STK17B: variants seen among roughly 807,000 people sequenced by gnomAD.
The protein encoded by STK17B is serine/threonine kinase 17b.
STK17B carries 21 observed loss-of-function variants against 42.0 expected under a neutral mutation model. The ratio of observed to expected loss-of-function variants is 0.50; its 90% CI spans 0.35 to 0.72. The LOEUF (loss-of-function observed/expected upper bound fraction) is 0.72, where lower values mean the gene tolerates loss of function less well. STK17B is among the 30% of genes least tolerant of loss of function. The pLI, the probability that STK17B is intolerant of heterozygous loss-of-function variation, is 0.00. For missense variants in STK17B, 349 were observed against 446.0 expected, an observed-to-expected ratio of 0.78 and a Z score of 1.96; for synonymous variants, 143 against 148.4, an observed-to-expected ratio of 0.96 and a Z score of 0.26.
intron 3 of STK17B, among the ~76,000 whole-genome samples, chr2:196,148,153 G>A (rs530814454): frequency 1.3e-5 from 2 of 152,118 alleles, no homozygotes; most frequent in Admixed American, 1.3e-4. Context: ...GACAATTTTG[G>A]GAATTCACAT....
chr2:196,149,137 C>T (rs16845758), intron 3 of STK17B, among the ~76,000 whole-genome samples: 7,035 of 151,346 alleles, frequency 0.046, 383 homozygotes, highest in African/African-American at 0.13. Context: ...GTCTGACACA[C>T]GGTAAATATT....
intron 5 of STK17B, 109 bp downstream of exon 5, chr2:196,143,451 C>A: frequency 9.1e-7 from 1 of 1,100,494 alleles, no homozygotes; most frequent in Admixed American, 2.9e-5. Flanking sequence ...TTGAACCAAT[C>A]AAATCCTTTT....
In STK17B at chr2:196,136,190, A is replaced by G. The variant is rs1381577633; in HGVS notation, c.*1257T>C. On this transcript the variant is annotated 3_prime_UTR_variant, in exon 8 of 8. Transcript: ENST00000263955. The stretch of plus-strand genomic sequence containing the variant: ...TATCGTAACATGATAACAGACCAAT[A>G]TAACGGTCATCAGGTGAAAATTCAT... 2 of 152,242 alleles carry G rather than the reference A, an allele frequency of 1.3e-5. No individual in the cohort carries two copies. The highest frequency in any genetic ancestry group is 2.9e-5 in the Non-Finnish European group (2 of 68,044). 9.4% of individuals were successfully genotyped at this position (152,242 alleles called of 1,614,324 possible). A position where few individuals can be genotyped will look rare whatever the true frequency, so the allele number is the denominator to read the frequency against.
At chr2:196,137,797 A>G in intron 7 of STK17B, 68 bp from the exon 8 acceptor site, 1 of 1,511,060 alleles carries the variant, frequency 6.6e-7, no homozygotes, top group Non-Finnish European at 8.9e-7. Flanking sequence ...TCAGTTTGAT[A>G]GATTATAGAC....
chr2:196,140,577 CTTTTTTTTTTTT>C (rs58205758), intron 6 of STK17B, among the ~76,000 whole-genome samples: 3 of 101,478 alleles, frequency 3.0e-5, no homozygotes, highest in Non-Finnish European at 3.9e-5. Context: ...CTTCTTCTAG[CTTTTTTTTTTTT>C]TTTTTTTTTT....
upstream of STK17B, among the ~76,000 whole-genome samples, chr2:196,175,194 A>C (rs1519604): frequency 0.044 from 6,079 of 139,438 alleles, 160 homozygotes; most frequent in East Asian, 0.066. Context: ...TATTGTCTTA[A>C]ATCTAGTATT....
intron 4 of STK17B, among the ~76,000 whole-genome samples, chr2:196,143,923 T>A (rs1430338994): frequency 6.6e-6 from 1 of 152,152 alleles, no homozygotes; most frequent in African/African-American, 2.4e-5. Flanking sequence ...ATGGAAAGAT[T>A]AAGATATAGA....
intron 4 of STK17B, among the ~76,000 whole-genome samples, chr2:196,144,020 T>G: frequency 1.2e-5 from 1 of 85,724 alleles, no homozygotes; most frequent in Non-Finnish European, 2.5e-5. Flanking sequence ...AAGCTGAGAC[T>G]TAAAAGAGTA....
chr2:196,140,155 T>G (rs1044088619), intron 6 of STK17B, among the ~76,000 whole-genome samples: 8 of 152,088 alleles, frequency 5.3e-5, no homozygotes, highest in African/African-American at 1.7e-4. Flanking sequence ...TAAAGAGAGG[T>G]TCTGCACAAA....
chr2:196,167,262 G>C (rs2105715229), intron 1 of STK17B, among the ~76,000 whole-genome samples: 1 of 152,312 alleles, frequency 6.6e-6, no homozygotes, highest in Non-Finnish European at 1.5e-5. Context: ...TAACATGTTA[G>C]ATTGCAATTC....
chr2:196,174,621 A>G (rs1699982010), upstream of STK17B, among the ~76,000 whole-genome samples: 1 of 152,118 alleles, frequency 6.6e-6, no homozygotes, highest in African/African-American at 2.4e-5. Context: ...GCGTGGCTCA[A>G]CCCCCCACCC....
chr2:196,167,494 T>A (rs759816496), intron 1 of STK17B, among the ~76,000 whole-genome samples: 1 of 152,232 alleles, frequency 6.6e-6, no homozygotes, highest in South Asian at 2.1e-4. Flanking sequence ...ATGCAGCTAG[T>A]CTCTGCTTAA....
chr2:196,158,591 G>A (rs1275695032), intron 2 of STK17B, among the ~76,000 whole-genome samples: 1 of 152,126 alleles, frequency 6.6e-6, no homozygotes, highest in Admixed American at 6.5e-5. Context: ...TGGATAAATT[G>A]AGTCAGAATA....
chr2:196,164,498 T>C lies in STK17B; in HGVS notation c.-44-1071A>G, dbSNP rs74791935. 1.7e-3 allele frequency among the ~76,000 whole-genome samples: 261 copies of C among 152,380 alleles called. 1 individual carries two copies. In the East Asian group the frequency reaches 0.029, roughly 17 times the overall value. Reference sequence around the variant, plus strand: ...ATTCATAAAACAATAACAGATACTATATTTCAAGACACTTATGACTTATTG... The same window carrying C: ...ATTCATAAAACAATAACAGATACTACATTTCAAGACACTTATGACTTATTG... On this transcript the variant is annotated intron_variant, in intron 1 of 7. Transcript: ENST00000263955.
chr2:196,157,025 C>T lies in STK17B; in HGVS notation c.123-374G>A, dbSNP rs1192971452. 9.9e-5 allele frequency among the ~76,000 whole-genome samples: 15 copies of T among 151,958 alleles called. 1 individual carries two copies. Among genetic ancestry groups the T allele is most frequent in the Admixed American group, 3.9e-4 (6 of 15,236 alleles). ...ACTAAAAATATAAAAATCAGCCAGG[C>T]GTTGTGGCGCATGCCTGTAATCCCA... On this transcript the variant is annotated intron_variant, in intron 2 of 7. Transcript: ENST00000263955.
At chr2:196,158,185 A>C (rs944441572) in intron 2 of STK17B, among the ~76,000 whole-genome samples, 1 of 152,190 alleles carries the variant, frequency 6.6e-6, no homozygotes, top group Non-Finnish European at 1.5e-5. Flanking sequence ...TTAGCATGGA[A>C]AACAAAACTT....
At chr2:196,152,645 G>C (rs1467699341) in intron 3 of STK17B, among the ~76,000 whole-genome samples, 2 of 152,166 alleles carry the variant, frequency 1.3e-5, no homozygotes, top group Admixed American at 1.3e-4. Context: ...TAGTCAAAAA[G>C]ATGCCTATGA....
At chr2:196,141,393 C>T in intron 5 of STK17B, 96 bp from the exon 6 acceptor site, 1 of 965,606 alleles carries the variant, frequency 1.0e-6, no homozygotes. Context: ...GGCATGATGG[C>T]TCATGCCTGT....
chr2:196,149,355 T>G (rs1178784868), intron 3 of STK17B, among the ~76,000 whole-genome samples: 1 of 151,982 alleles, frequency 6.6e-6, no homozygotes, highest in Non-Finnish European at 1.5e-5. Flanking sequence ...TAGTGGAGAC[T>G]GGGTTTCACC....
Sources: allele counts gnomAD v4.1 joint callset (sites outside exome capture counted in the v4.1 genomes callset), GRCh38; gene constraint gnomAD v4.1.1; transcripts MANE v1.5; gene names NCBI Gene and HGNC (gene_info 2026-07-23, HGNC 2026-07-21).